Variants in EDEM3 observed in about 807,000 individuals in gnomAD.
EDEM3 encodes ER degradation enhancing alpha-mannosidase like protein 3.
In EDEM3, 60 loss-of-function variants were observed where a neutral mutation model predicts 110.2. The observed-to-expected ratio is 0.54, with a 90% CI of 0.44 to 0.67. The LOEUF (loss-of-function observed/expected upper bound fraction) is 0.67, where lower values mean the gene tolerates loss of function less well. EDEM3 is among the 30% of genes least tolerant of loss of function. The probability of loss-of-function intolerance (pLI) is 0.00; values close to 1 mark genes in which losing one functional copy is unlikely to be tolerated. For synonymous variants in EDEM3, 352 were observed against 382.9 expected, an observed-to-expected ratio of 0.92 and a Z score of 0.94; for missense variants, 996 against 1,121.0, an observed-to-expected ratio of 0.89 and a Z score of 1.59.
chr1:184,695,349 C>T (rs1461062901), intron 19 of EDEM3, among the ~76,000 whole-genome samples: 2 of 151,570 alleles, frequency 1.3e-5, no homozygotes, highest in Admixed American at 6.6e-5. Context: ...TATAGTCCAA[C>T]GGGAGAAAAA....
chr1:184,727,116 AC>A (rs1488569013), intron 6 of EDEM3, among the ~76,000 whole-genome samples: 1 of 152,164 alleles, frequency 6.6e-6, no homozygotes, highest in East Asian at 1.9e-4. Context: ...ACATGGCGTA[AC>A]CCCATCTCTA....
At chr1:184,727,020 G>A (rs922761829) in intron 6 of EDEM3, among the ~76,000 whole-genome samples, 6 of 152,118 alleles carry the variant, frequency 3.9e-5, no homozygotes, top group Non-Finnish European at 8.8e-5. Context: ...GGCCACGAGC[G>A]GTAGCTCATG....
chr1:184,703,025 C>A (rs770583976), intron 18 of EDEM3, 29 bp from the exon 19 acceptor site: 8 of 1,526,930 alleles, frequency 5.2e-6, no homozygotes, highest in Non-Finnish European at 7.1e-6. Context: ...CAGCAAACAT[C>A]AAAATATCCA....
chr1:184,708,069 C>T (rs2102068427), intron 17 of EDEM3, 84 bp downstream of exon 17: 3 of 1,229,530 alleles, frequency 2.4e-6, no homozygotes, highest in Non-Finnish European at 3.3e-6. Flanking sequence ...ATTAAAACTA[C>T]TAAATTAGAG....
At chr1:184,704,680 A>AAAAAAAAAT (rs34995945) in intron 18 of EDEM3, among the ~76,000 whole-genome samples, 1 of 145,350 alleles carries the variant, frequency 6.9e-6, no homozygotes, top group African/African-American at 2.6e-5. Flanking sequence ...AAAAAAAAAA[A>AAAAAAAAAT]TTTCTGAGAG....
In EDEM3 at chr1:184,710,519, G is replaced by T. The variant is rs140264427; in HGVS notation, c.1720C>A (p.Pro574Thr). 2 of 1,613,446 alleles carry T rather than the reference G, an allele frequency of 1.2e-6. No individual in the cohort carries two copies. Among genetic ancestry groups the T allele is most frequent in the Admixed American group, 1.7e-5 (1 of 59,928 alleles). Reference sequence around the variant, plus strand: ...ATGAAATCTCTGGCTCTCAGAGGGGGTTTAGCTCCACTCCTGAAACTCTCC... The same window carrying T: ...ATGAAATCTCTGGCTCTCAGAGGGGTTTTAGCTCCACTCCTGAAACTCTCC... ...VEESFRSGAK[P>T]PLRARDFMAT... is the part of the protein sequence containing the mutation. Residue 574 changes from proline (P) to threonine (T), a missense_variant, in exon 16 of 20, where the codon CCC becomes ACC. By Grantham distance (38) the Pro-to-Thr change is conservative. Transcript: ENST00000318130.
chr1:184,701,392 T>C (rs1038442000), intron 19 of EDEM3: 7 of 458,768 alleles, frequency 1.5e-5, no homozygotes, highest in African/African-American at 1.5e-4. Flanking sequence ...GATATTATCA[T>C]GGTATCCACT....
chr1:184,747,800 T>A (rs1240406437), intron 2 of EDEM3, among the ~76,000 whole-genome samples: 2 of 152,366 alleles, frequency 1.3e-5, no homozygotes, highest in East Asian at 1.9e-4. Context: ...ACCTACTAAG[T>A]GTATTCTATA....
At chr1:184,754,435 C>A in intron 1 of EDEM3, 54 bp downstream of exon 1, 1 of 1,606,520 alleles carries the variant, frequency 6.2e-7, no homozygotes, top group South Asian at 1.1e-5. Flanking sequence ...GACAGGCACC[C>A]CTCCTGTTGT....
intron 13 of EDEM3, among the ~76,000 whole-genome samples, chr1:184,713,899 A>C (rs1177087313): frequency 1.3e-5 from 2 of 152,262 alleles, no homozygotes; most frequent in Admixed American, 6.5e-5. Flanking sequence ...CTTGGCATAC[A>C]TATGAGATTG....
chr1:184,729,454 A>T (rs933617417), intron 6 of EDEM3, among the ~76,000 whole-genome samples: 1 of 152,198 alleles, frequency 6.6e-6, no homozygotes, highest in African/African-American at 2.4e-5. Context: ...TTATCTGAAA[A>T]GCTGGCAAGT....
rs775692658 is a variant in EDEM3, at chr1:184,737,620, G to T, written c.296C>A (p.Ala99Asp). The change falls in exon 3 of 20, where the codon GCC becomes GAC. Residue 99 changes from alanine (A) to aspartate (D), a missense_variant. Ala to Asp is a moderately radical substitution (Grantham distance 126). This residue lies in a region of EDEM3 where 200 missense variants were observed against 183.8 expected (regional missense o/e 1.09). Coordinates refer to ENST00000318130, the MANE Select transcript of EDEM3 (RefSeq NM_025191.4). ...QEPSRGDVDDALGKFSLTLID... is the reference protein window; with the variant it reads ...QEPSRGDVDDDLGKFSLTLID... ...CTGTGTTAATACTCACTTTCCCAAG[G>T]CATCATCAACGTCACCGCGACTTGG... 1.9e-6 allele frequency: 3 copies of T among 1,613,708 alleles called. No homozygotes were observed. The African/African-American group carries it at 4.0e-5, about 22-fold the overall frequency.
At chr1:184,706,836 C>T (rs773637881) in intron 17 of EDEM3, 28 bp from the exon 18 acceptor site, 1 of 1,604,676 alleles carries the variant, frequency 6.2e-7, no homozygotes, top group South Asian at 1.1e-5. Context: ...AACTTAAATA[C>T]TTTAATCTTC....
chr1:184,741,718 A>G (rs1405137860), intron 2 of EDEM3, among the ~76,000 whole-genome samples: 1 of 152,174 alleles, frequency 6.6e-6, no homozygotes, highest in Non-Finnish European at 1.5e-5. Context: ...TGCCTGATAT[A>G]CTCAGGTATT....
rs115054609 is a variant in EDEM3 at position 184,691,833 on chromosome 1, T to A, written c.*2230A>T. On this transcript the variant is annotated 3_prime_UTR_variant, in exon 20 of 20. Transcript: ENST00000318130. ...AAAAATTGGTTAAATTTTTTCCTTT[T>A]CTTTTTTTAAGGATTTACTTTTCTT... 206 of 152,224 alleles carry A rather than the reference T, an allele frequency of 1.4e-3. No individual in the cohort carries two copies. The highest frequency in any genetic ancestry group is 4.7e-3 in the African/African-American group (197 of 41,562). The allele number at this position is 152,224 out of a possible 1,614,324, so 9.4% of individuals were successfully genotyped here.
chr1:184,737,055 C>A lies in EDEM3; in HGVS notation c.315G>T (p.Leu105=). 3.1e-6 allele frequency: 5 copies of A among 1,600,964 alleles called. No individual in the cohort carries two copies. Among genetic ancestry groups the A allele is most frequent in the South Asian group, 1.1e-5 (1 of 90,426 alleles). ...GAGTGTCCAAAGAATCAATCAGTGT[C>A]AGAGAAAATCTAAGAAACAAGCGTT... ...DVDDALGKFS[L]TLIDSLDTLV... is the part of the protein sequence containing the mutation. Residue 105 remains leucine (L), a synonymous_variant, in exon 4 of 20, where the codon CTG becomes CTT. Coordinates refer to ENST00000318130, the MANE Select transcript of EDEM3 (RefSeq NM_025191.4).
Position 184,719,464 on chromosome 1 carries a change from A to T in EDEM3, c.1056T>A (p.Leu352=). 6.2e-7 allele frequency: 1 copy of T among 1,613,484 alleles called. No homozygotes were observed. Among genetic ancestry groups the T allele is most frequent in the Non-Finnish European group, 8.5e-7 (1 of 1,179,820 alleles). ...ATACCTGCAAGCCTGGGAAGAAGGC[A>T]AGCAAAGCATCCATCCAAGTCCGAG... ...LNARTWMDAL[L]AFFPGLQVLK... is the part of the protein sequence containing the mutation. Residue 352 remains leucine, a synonymous_variant, in exon 10 of 20, where the codon CTT becomes CTA. Transcript: ENST00000318130.
Position 184,692,482 on chromosome 1 carries a change from C to T in EDEM3, c.*1581G>A, listed in dbSNP as rs1466566400. ...AGAATATGTTTACCTGGGATCTAAA[C>T]ATACTGTACACGAATATACATAACT... On this transcript the variant is annotated 3_prime_UTR_variant, in exon 20 of 20. Coordinates refer to ENST00000318130, the MANE Select transcript of EDEM3 (RefSeq NM_025191.4). 6.6e-6 allele frequency: 1 copy of T among 152,060 alleles called. No homozygotes were observed. The highest frequency in any genetic ancestry group is 1.5e-5 in the Non-Finnish European group (1 of 67,964). 9.4% of individuals were successfully genotyped at this position (152,060 alleles called of 1,614,324 possible).
chr1:184,741,841 T>C (rs997061047), intron 2 of EDEM3, among the ~76,000 whole-genome samples: 2 of 152,216 alleles, frequency 1.3e-5, no homozygotes, highest in African/African-American at 2.4e-5. Flanking sequence ...GGTTATAAAA[T>C]GGCTGGAACA....
Sources: allele counts gnomAD v4.1 joint callset (sites outside exome capture counted in the v4.1 genomes callset), GRCh38; gene constraint gnomAD v4.1.1; regional missense constraint gnomAD v4.1.1; transcripts MANE v1.5; gene names NCBI Gene and HGNC (gene_info 2026-07-23, HGNC 2026-07-21).